The following FILIP1 variants were observed in gnomAD, a reference collection of about 807,000 sequenced individuals.
FILIP1 encodes filamin-A-interacting protein 1.
Under a neutral mutation model 102.1 loss-of-function variants are expected in FILIP1, and 61 were observed. That is an observed-to-expected ratio of 0.60 (90% CI 0.49 to 0.74). FILIP1 has a LOEUF of 0.74. FILIP1 is among the 30% of genes least tolerant of loss of function. The pLI is 0.00. For synonymous variants in FILIP1, 491 were observed against 526.9 expected (o/e 0.93, Z 0.93); for missense variants, 1,314 against 1,441.2 (o/e 0.91, Z 1.43).
chr6:75,426,498 C>T (rs1777630787), intron 1 of FILIP1, among the ~76,000 whole-genome samples: 1 of 152,054 alleles, frequency 6.6e-6, no homozygotes, highest in African/African-American at 2.4e-5. Context: ...ACTAAGTATA[C>T]AGAGGAGATA....
chr6:75,435,400 T>G (rs1777985450), intron 1 of FILIP1, among the ~76,000 whole-genome samples: 1 of 152,220 alleles, frequency 6.6e-6, no homozygotes, highest in Non-Finnish European at 1.5e-5. Flanking sequence ...AGTCTTGAAA[T>G]ATAAATGAAT....
At chr6:75,295,829 C>A in exon 7 of FILIP1, 1 of 895,514 alleles carries the variant, frequency 1.1e-6, no homozygotes, top group South Asian at 3.8e-5. Context: ...GCATGGAGGA[C>A]CTTAGTCATG....
intron 6 of FILIP1, among the ~76,000 whole-genome samples, chr6:75,299,571 T>TA (rs1422923404): frequency 6.6e-6 from 1 of 152,198 alleles, no homozygotes; most frequent in African/African-American, 2.4e-5. Flanking sequence ...ACTGAGTTTT[T>TA]ATATATTTTT....
chr6:75,356,874 C>T (rs1775021601), intron 3 of FILIP1, among the ~76,000 whole-genome samples: 1 of 152,212 alleles, frequency 6.6e-6, no homozygotes, highest in African/African-American at 2.4e-5. Flanking sequence ...CAAATTTCTA[C>T]GTGTGATTTT....
Position 75,312,390 on chromosome 6 carries a change from T to C in FILIP1, c.3435+7A>G. ...CAGGCCTGCGCTTTGGAGCCTCTTCTACTCACCACTGACTGGGTTCCTCGA... is the reference window on the plus strand; with the variant it reads ...CAGGCCTGCGCTTTGGAGCCTCTTCCACTCACCACTGACTGGGTTCCTCGA... On this transcript the variant is annotated splice_region_variant and intron_variant, in intron 5 of 5. Transcript: ENST00000237172. 1 of 1,610,626 alleles carries C rather than the reference T, an allele frequency of 6.2e-7. No individual in the cohort carries two copies. Among genetic ancestry groups the C allele is most frequent in the Non-Finnish European group, 8.5e-7 (1 of 1,178,076 alleles).
Position 75,362,792 on chromosome 6 carries a change from G to T in FILIP1, c.402C>A (p.Ala134=). The change falls in exon 3 of 6, where the codon GCC becomes GCA. Residue 134 remains alanine, a synonymous_variant. Transcript: ENST00000237172. The stretch of plus-strand genomic sequence containing the variant: ...CATCTTCTCCTATGGATTTCTCCTG[G>T]GCAAGAATGGCATCTCGGTGCAGGA... The part of the protein sequence containing the change: ...LRVLHRDAIL[A]QEKSIGEDVY... 1 of 1,613,626 alleles carries T rather than the reference G, an allele frequency of 6.2e-7. No individual in the cohort carries two copies. The highest frequency in any genetic ancestry group is 1.1e-5 in the South Asian group (1 of 91,036).
In FILIP1 at chr6:75,314,856, A is replaced by T; in HGVS notation, c.976T>A (p.Ser326Thr). The part of the protein sequence containing the change: ...EMNAKLANQE[S>T]HNRQLRLKLV... ...TTGAGTCTAAGTTGCCTATTGTGAG[A>T]CTCTTGATTAGCCAGTTTAGCGTTC... Residue 326 changes from serine to threonine, a missense_variant, in exon 5 of 6, where the codon TCT becomes ACT. Physicochemically the swap from Ser to Thr is moderately conservative, Grantham distance 58. Coordinates refer to ENST00000237172, the MANE Select transcript of FILIP1 (RefSeq NM_015687.5). 1 of 1,613,774 alleles carries T rather than the reference A, an allele frequency of 6.2e-7. No homozygotes were observed. Among genetic ancestry groups the T allele is most frequent in the Non-Finnish European group, 8.5e-7 (1 of 1,179,976 alleles).
Position 75,314,990 on chromosome 6 carries a change from T to A in FILIP1, c.842A>T (p.Lys281Met). The change falls in exon 5 of 6, where the codon AAG (lysine) becomes ATG (methionine). Residue 281 changes from lysine to methionine, a missense_variant. Physicochemically the swap from Lys to Met is moderately conservative, Grantham distance 95. Coordinates refer to ENST00000237172, the MANE Select transcript of FILIP1 (RefSeq NM_015687.5). ...GGATTTGGAAGTAATGGCTTTGAGC[T>A]TCTCTTCTTCTTCCCTCAGCTTCTG... ...LTQKLREEEE[K>M]LKAITSKSKE... The A allele has an allele frequency of 6.2e-7, 1 of 1,613,998 alleles. No homozygotes were observed. Among genetic ancestry groups the A allele is most frequent in the East Asian group, 2.2e-5 (1 of 44,886 alleles).
intron 1 of FILIP1, among the ~76,000 whole-genome samples, chr6:75,463,878 C>T (rs1779092613): frequency 6.6e-6 from 1 of 152,022 alleles, no homozygotes; most frequent in African/African-American, 2.4e-5. Context: ...TTGAATTGTT[C>T]ATATTAGGAG....
intron 2 of FILIP1, 70 bp downstream of exon 2, chr6:75,414,627 G>T: frequency 7.0e-7 from 1 of 1,425,304 alleles, no homozygotes; most frequent in South Asian, 1.3e-5. Context: ...GAGGGGAACA[G>T]ATTTACATTC....
rs370502504 is a variant in FILIP1, at chr6:75,326,022, A to G, written c.630-10820T>C. 2.0e-5 allele frequency among the ~76,000 whole-genome samples: 3 copies of G among 152,248 alleles called. No homozygotes were observed. In the East Asian group the frequency reaches 5.8e-4, roughly 29 times the overall value. On this transcript the variant is annotated intron_variant, in intron 4 of 5. Transcript: ENST00000237172. ...AAACCAGCCTGAATGCCCATCAACCAACGAGTGGATAAAAGGTGAGATATA... is the reference window on the plus strand; with the variant it reads ...AAACCAGCCTGAATGCCCATCAACCGACGAGTGGATAAAAGGTGAGATATA...
At chr6:75,479,268 AT>A (rs1359564680) in intron 1 of FILIP1, among the ~76,000 whole-genome samples, 1 of 152,134 alleles carries the variant, frequency 6.6e-6, no homozygotes, top group East Asian at 1.9e-4. Flanking sequence ...AGATTTTTTT[AT>A]TTCTCAAAAT....
chr6:75,313,376 G>A lies in FILIP1; in HGVS notation c.2456C>T (p.Thr819Met), dbSNP rs370823048. The A allele has an allele frequency of 2.2e-5, 36 of 1,614,136 alleles. No individual in the cohort carries two copies. Among genetic ancestry groups the A allele is most frequent in the Middle Eastern group, 1.6e-4 (1 of 6,062 alleles). ...GGATTTCCGTATGAATACAGCTGGC[G>A]TTTCTTCCTCTGCTGCTTCACCGCT... Reference protein sequence around the residue: ...AVSGEAAEEETPAVFIRKSFQ... With the variant: ...AVSGEAAEEEMPAVFIRKSFQ... Residue 819 changes from threonine to methionine, a missense_variant, in exon 5 of 6, where the codon ACG becomes ATG. Physicochemically the swap from Thr to Met is moderately conservative, Grantham distance 81 (BLOSUM62 -1). Transcript: ENST00000237172. The surrounding 1 kb of genome is among the most constrained non-coding windows in gnomAD (Gnocchi z 4.2).
At chr6:75,295,936 G>A in exon 7 of FILIP1, 1 of 1,464,308 alleles carries the variant, frequency 6.8e-7, no homozygotes, top group Non-Finnish European at 9.0e-7. Flanking sequence ...CGTAACTGGT[G>A]AATGATGATG....
intron 6 of FILIP1, chr6:75,296,423 A>G (rs1263589119): frequency 6.7e-6 from 1 of 150,118 alleles, no homozygotes; most frequent in Non-Finnish European, 1.5e-5. Context: ...CTAAGTCCAT[A>G]AATATAGGTG....
rs766905802 is a variant in FILIP1 at position 75,314,740 on chromosome 6, A to C, written c.1092T>G (p.Asp364Glu). ...KAEEELQELRDKIAKGECGNS... is the reference protein window; with the variant it reads ...KAEEELQELREKIAKGECGNS... ...TTCCACATTCTCCTTTGGCAATTTT[A>C]TCTCTTAATTCTTGAAGTTCTTCCT... The change falls in exon 5 of 6, where the codon GAT becomes GAG. Residue 364 changes from aspartate to glutamate, a missense_variant. Transcript: ENST00000237172. 8 of 1,614,052 alleles carry C rather than the reference A, an allele frequency of 5.0e-6. No homozygotes were observed. Among genetic ancestry groups the C allele is most frequent in the Non-Finnish European group, 5.9e-6 (7 of 1,179,994 alleles).
chr6:75,302,956 G>A (rs547689209), intron 6 of FILIP1, among the ~76,000 whole-genome samples: 76 of 152,266 alleles, frequency 5.0e-4, no homozygotes, highest in African/African-American at 1.7e-3. Flanking sequence ...CCAATTAGGA[G>A]GGTATCAGAG....
At chr6:75,333,665 T>C (rs1044223874) in intron 4 of FILIP1, among the ~76,000 whole-genome samples, 19 of 152,172 alleles carry the variant, frequency 1.2e-4, no homozygotes, top group African/African-American at 4.6e-4. Flanking sequence ...CAAATTTCTA[T>C]AAAACGGGTC....
At chr6:75,372,667 AAGAAAGAAAGAAAGAAAG>A (rs1775574077) in intron 2 of FILIP1, among the ~76,000 whole-genome samples, 3 of 66,520 alleles carry the variant, frequency 4.5e-5, no homozygotes, top group African/African-American at 1.7e-4. Context: ...GAAAGAAAGA[AAGAAAGAAAGAAAGAAAG>A]AGAAAGAAAG....
Sources: gnomAD v4.1 joint callset for allele counts (sites outside exome capture counted in the v4.1 genomes callset) on GRCh38, gnomAD v4.1.1 for gene constraint, Gnocchi (gnomAD v3.1) non-coding constraint, MANE v1.5 for transcripts, NCBI Gene and HGNC (gene_info 2026-07-23, HGNC 2026-07-21) for gene names.